Variants in NKAIN2 observed in about 807,000 individuals in gnomAD.
The protein encoded by NKAIN2 is sodium/potassium-transporting ATPase subunit beta-1-interacting protein 2.
NKAIN2 carries 14 observed loss-of-function variants against 32.6 expected under a neutral mutation model. The ratio of observed to expected loss-of-function variants is 0.43; its 90% CI spans 0.28 to 0.67. The LOEUF (loss-of-function observed/expected upper bound fraction) is 0.67, where lower values mean the gene tolerates loss of function less well. Among genes scored for constraint, NKAIN2 ranks in the 30% least tolerant of loss-of-function variants. The pLI, the probability that NKAIN2 is intolerant of heterozygous loss-of-function variation, is 0.17. For missense variants in NKAIN2, 198 were observed against 258.3 expected (o/e 0.77, Z 1.60); for synonymous variants, 80 against 87.2 (o/e 0.92, Z 0.46).
chr6:124,012,121 T>G (rs533696665), intron 1 of NKAIN2, among the ~76,000 whole-genome samples: 1 of 152,098 alleles, frequency 6.6e-6, no homozygotes. Context: ...TATGTATGTA[T>G]ATAGCATGAA....
At chr6:124,344,458 C>A (rs1008684844) in intron 2 of NKAIN2, among the ~76,000 whole-genome samples, 5 of 151,494 alleles carry the variant, frequency 3.3e-5, no homozygotes, top group Non-Finnish European at 7.4e-5. Context: ...TTCTTCCTAC[C>A]CATGAGCATG....
chr6:124,680,584 G>A (rs1773571968), intron 4 of NKAIN2, among the ~76,000 whole-genome samples: 1 of 151,996 alleles, frequency 6.6e-6, no homozygotes. Flanking sequence ...CTATCAGGTG[G>A]CTCTCCCTGA....
At position 124,626,514 on chromosome 6, in the gene NKAIN2, T is replaced by TTTAG. The variant is rs540909083; in HGVS notation, c.274-31670_274-31667dup. ...ACAGAGAGGTATGTAAATCCATCTATTTAGTACACATTTAAGGATGCATTC... is the reference window on the plus strand; with the variant it reads ...ACAGAGAGGTATGTAAATCCATCTATTTAGTTAGTACACATTTAAGGATGCATTC... On this transcript the variant is annotated intron_variant, in intron 3 of 6. Transcript: ENST00000368417. 2.6e-3 allele frequency among the ~76,000 whole-genome samples: 396 copies of TTTAG among 152,256 alleles called. 1 individual carries two copies. Among genetic ancestry groups the TTTAG allele is most frequent in the African/African-American group, 9.1e-3 (378 of 41,556 alleles).
intron 5 of NKAIN2, among the ~76,000 whole-genome samples, chr6:124,803,811 A>G (rs1780383335): frequency 6.6e-6 from 1 of 152,206 alleles, no homozygotes; most frequent in Non-Finnish European, 1.5e-5. Context: ...TAATTATCTG[A>G]GTAAAGAGCC....
In NKAIN2 at chr6:124,088,146, A is replaced by G. The variant is rs989037352; in HGVS notation, c.55-194859A>G. Among the ~76,000 whole-genome samples the G allele has an allele frequency of 3.9e-5, 6 of 151,978 alleles. No homozygotes were observed. The East Asian group carries it at 1.2e-3, about 29-fold the overall frequency. On this transcript the variant is annotated intron_variant, in intron 1 of 6. Transcript: ENST00000368417. ...TATGGCACAAAAATGTTTGCAGTAG[A>G]CAGTCTTCAAATGCCCTTGCTACAA...
chr6:124,576,165 T>C (rs901063137), intron 3 of NKAIN2, among the ~76,000 whole-genome samples: 6 of 152,176 alleles, frequency 3.9e-5, no homozygotes, highest in Non-Finnish European at 8.8e-5. Flanking sequence ...GAGTGACAAA[T>C]TGGGAAGTAT....
chr6:124,508,509 T>G (rs906346956), intron 3 of NKAIN2, among the ~76,000 whole-genome samples: 1 of 574 alleles, frequency 1.7e-3, no homozygotes, highest in Non-Finnish European at 0.026. Context: ...CCCGGCTAAT[T>G]TTTTTTTGTA....
intron 1 of NKAIN2, among the ~76,000 whole-genome samples, chr6:124,216,117 CAA>C (rs1199794463): frequency 2.3e-4 from 15 of 63,892 alleles, no homozygotes; most frequent in Admixed American, 6.6e-4. Context: ...AACTCTGTCT[CAA>C]AAAAAAAAAA....
chr6:123,924,676 C>A (rs1775924997), intron 1 of NKAIN2, among the ~76,000 whole-genome samples: 1 of 152,072 alleles, frequency 6.6e-6, no homozygotes, highest in African/African-American at 2.4e-5. Context: ...GGCTCCATTT[C>A]TTCATCTATG....
At chr6:124,224,127 A>G (rs1442255594) in intron 1 of NKAIN2, among the ~76,000 whole-genome samples, 2 of 152,294 alleles carry the variant, frequency 1.3e-5, no homozygotes, top group Middle Eastern at 3.4e-3. Flanking sequence ...ACATATGTAC[A>G]TGACTACATA....
chr6:124,120,033 C>G (rs1388448307), intron 1 of NKAIN2, among the ~76,000 whole-genome samples: 2 of 152,028 alleles, frequency 1.3e-5, no homozygotes, highest in African/African-American at 2.4e-5. Context: ...AATGAATTCT[C>G]TAGTTAAGTA....
At chr6:124,460,182 A>G (rs1423179010) in intron 3 of NKAIN2, among the ~76,000 whole-genome samples, 5 of 150,336 alleles carry the variant, frequency 3.3e-5, no homozygotes, top group African/African-American at 1.2e-4. Flanking sequence ...TCTCTTTTTC[A>G]CTCCCTGTCT....
At chr6:124,392,452 A>G (rs894486705) in intron 3 of NKAIN2, among the ~76,000 whole-genome samples, 1 of 152,166 alleles carries the variant, frequency 6.6e-6, no homozygotes, top group African/African-American at 2.4e-5. Context: ...AGGTTTTTAA[A>G]TCATAAGCAA....
intron 4 of NKAIN2, among the ~76,000 whole-genome samples, chr6:124,775,106 T>A (rs537254247): frequency 5.3e-5 from 8 of 152,326 alleles, no homozygotes; most frequent in Non-Finnish European, 1.0e-4. Flanking sequence ...GATAATCAAA[T>A]AATTCAAGCA....
intron 1 of NKAIN2, among the ~76,000 whole-genome samples, chr6:124,053,441 T>C (rs554879392): frequency 2.1e-4 from 32 of 152,196 alleles, no homozygotes; most frequent in African/African-American, 7.0e-4. Context: ...ACACCACCTG[T>C]CTTAAACCTC....
At chr6:124,531,354 C>T (rs1216382495) in intron 3 of NKAIN2, among the ~76,000 whole-genome samples, 2 of 152,172 alleles carry the variant, frequency 1.3e-5, no homozygotes, top group East Asian at 3.9e-4. Flanking sequence ...AAATGTGCCT[C>T]TTGGCCTAAC....
chr6:124,518,086 T>G (rs1170773178), intron 3 of NKAIN2, among the ~76,000 whole-genome samples: 1 of 152,010 alleles, frequency 6.6e-6, no homozygotes, highest in African/African-American at 2.4e-5. Context: ...TTTCAAAAAT[T>G]TTTATTGTAC....
chr6:124,333,312 C>CTCACAGT (rs1797738742), intron 2 of NKAIN2, among the ~76,000 whole-genome samples: 1 of 152,076 alleles, frequency 6.6e-6, no homozygotes, highest in South Asian at 2.1e-4. Flanking sequence ...CATTTACTAT[C>CTCACAGT]TCACAGTTCT....
chr6:124,741,120 C>T (rs1207704548), intron 4 of NKAIN2, among the ~76,000 whole-genome samples: 1 of 151,636 alleles, frequency 6.6e-6, no homozygotes, highest in South Asian at 2.1e-4. Context: ...ATTCTTCTCA[C>T]TGAGATGGGG....
Sources: gnomAD v4.1 joint callset for allele counts (sites outside exome capture counted in the v4.1 genomes callset) on GRCh38, gnomAD v4.1.1 for gene constraint, MANE v1.5 for transcripts, NCBI Gene and HGNC (gene_info 2026-07-23, HGNC 2026-07-21) for gene names.